TMCO4: variants seen among roughly 807,000 people sequenced by gnomAD.
TMCO4 encodes the protein transmembrane and coiled-coil domains 4.
TMCO4 carries 58 observed loss-of-function variants against 64.7 expected under a neutral mutation model. The observed-to-expected ratio is 0.90, with a 90% confidence interval of 0.73 to 1.12. The LOEUF (loss-of-function observed/expected upper bound fraction) is 1.12. TMCO4 is among the 50% of genes most tolerant of loss of function. The probability of loss-of-function intolerance (pLI) is 0.00; values close to 1 mark genes in which losing one functional copy is unlikely to be tolerated. For missense variants in TMCO4, 780 were observed against 825.9 expected (o/e 0.94, Z 0.68); for synonymous variants, 325 against 346.1 (o/e 0.94, Z 0.68).
In TMCO4 at chr1:19,743,054, G is replaced by A. The variant is rs1266441; in HGVS notation, c.878-2113C>T. Among the ~76,000 whole-genome samples the A allele has an allele frequency of 0.53, 80,290 of 151,718 alleles. 21,616 individuals carry two copies. The highest frequency in any genetic ancestry group is 0.74 in the East Asian group (3,826 of 5,164). On this transcript the variant is annotated intron_variant, in intron 10 of 15. Transcript: ENST00000294543. The surrounding 1 kb of genome is among the most constrained non-coding windows in gnomAD (Gnocchi z 4.1). ...ATACAGCAAGACTCCGTCTCCAAAA[G>A]AAAATAAAAATAAAAAAAATAAAAA...
At chr1:19,727,990 T>C (rs1449357751) in intron 13 of TMCO4, among the ~76,000 whole-genome samples, 1 of 152,032 alleles carries the variant, frequency 6.6e-6, no homozygotes, top group Non-Finnish European at 1.5e-5. Flanking sequence ...CATTTATAAG[T>C]GGGAGCTAAA....
At chr1:19,685,246 A>T (rs1003222826) in intron 15 of TMCO4, among the ~76,000 whole-genome samples, 1 of 152,180 alleles carries the variant, frequency 6.6e-6, no homozygotes, top group African/African-American at 2.4e-5. Context: ...GGATGGCTTG[A>T]GCCTGGGAGG....
intron 15 of TMCO4, among the ~76,000 whole-genome samples, chr1:19,693,849 C>G (rs1270701166): frequency 6.6e-6 from 1 of 152,302 alleles, no homozygotes; most frequent in East Asian, 1.9e-4. Context: ...CAGAAACATA[C>G]AGTCCTGACT....
chr1:19,715,588 C>T (rs1488171211), intron 13 of TMCO4, among the ~76,000 whole-genome samples: 1 of 152,164 alleles, frequency 6.6e-6, no homozygotes, highest in Admixed American at 6.5e-5. Context: ...TAACTGACGA[C>T]ATGAAAATTT....
chr1:19,740,992 C>A, intron 10 of TMCO4, 51 bp from the exon 11 acceptor site: 1 of 1,528,258 alleles, frequency 6.5e-7, no homozygotes, highest in Non-Finnish European at 8.8e-7. Context: ...GCAGAGGATG[C>A]CCCACCCCAG....
intron 7 of TMCO4, among the ~76,000 whole-genome samples, chr1:19,749,371 T>C (rs921237185): frequency 1.1e-4 from 17 of 152,012 alleles, no homozygotes; most frequent in African/African-American, 1.5e-4. Flanking sequence ...TTTTTTTTTT[T>C]CCCTTTCTTT....
rs1200778679 is a variant in TMCO4, at chr1:19,780,524, C to T, written c.179+56G>A. 1.3e-5 allele frequency: 20 copies of T among 1,530,194 alleles called. 1 individual carries two copies. The highest frequency in any genetic ancestry group is 6.5e-5 in the South Asian group (5 of 77,202). 94.8% of individuals were successfully genotyped at this position (1,530,194 alleles called of 1,614,324 possible). A position where few individuals can be genotyped will look rare whatever the true frequency, so the allele number is the denominator to read the frequency against. ...GTGCCTGGCAGGCTGTTTGGCTGTC[C>T]GTAGTTGTTCCCCTGAAGAAGCATG... is the stretch of plus-strand genomic sequence containing the variant. On this transcript the variant is annotated intron_variant, in intron 4 of 15. Coordinates refer to ENST00000294543, the MANE Select transcript of TMCO4 (RefSeq NM_181719.7).
intron 6 of TMCO4, among the ~76,000 whole-genome samples, chr1:19,757,996 C>T (rs1433222354): frequency 6.6e-6 from 1 of 152,190 alleles, no homozygotes; most frequent in Non-Finnish European, 1.5e-5. Flanking sequence ...TTGTCTAAAA[C>T]GCTAATTCCC....
At chr1:19,780,946 G>T (rs1000514449) in intron 3 of TMCO4, among the ~76,000 whole-genome samples, 180 bp from the exon 4 acceptor site, 2 of 152,044 alleles carry the variant, frequency 1.3e-5, no homozygotes, top group East Asian at 3.8e-4. Flanking sequence ...TGGAGGGAGG[G>T]ATCTTCAATA....
At chr1:19,733,962 G>A (rs2095441605) in intron 13 of TMCO4, among the ~76,000 whole-genome samples, 1 of 152,166 alleles carries the variant, frequency 6.6e-6, no homozygotes, top group Admixed American at 6.5e-5. Flanking sequence ...CTGTTGGAAG[G>A]ACTCCATGAA....
intron 13 of TMCO4, among the ~76,000 whole-genome samples, chr1:19,719,712 G>T (rs960639768): frequency 1.3e-5 from 2 of 151,958 alleles, no homozygotes; most frequent in African/African-American, 2.4e-5. Context: ...AAAAAATTTT[G>T]GCTGGGTGCA....
intron 15 of TMCO4, 139 bp from the exon 16 acceptor site, chr1:19,683,583 C>G (rs2095121519): frequency 1.3e-5 from 11 of 866,834 alleles, no homozygotes; most frequent in African/African-American, 1.7e-5. Context: ...GACTCCATCC[C>G]TCAGTGGCTC....
intron 6 of TMCO4, among the ~76,000 whole-genome samples, chr1:19,761,508 C>A (rs2042503230): frequency 6.6e-6 from 1 of 152,336 alleles, no homozygotes; most frequent in East Asian, 1.9e-4. Flanking sequence ...TGAGGGTCAG[C>A]CTCAGGGTAC....
chr1:19,685,710 C>CTTCTTTTTT (rs2095142285), intron 15 of TMCO4, among the ~76,000 whole-genome samples: 2 of 106,616 alleles, frequency 1.9e-5, no homozygotes, highest in Non-Finnish European at 3.8e-5. Context: ...AGGCCTGTTT[C>CTTCTTTTTT]TTTTTTTTTT....
At chr1:19,749,371 T>TC (rs2041930247) in intron 7 of TMCO4, among the ~76,000 whole-genome samples, 1 of 152,012 alleles carries the variant, frequency 6.6e-6, no homozygotes, top group African/African-American at 2.4e-5. Context: ...TTTTTTTTTT[T>TC]CCCTTTCTTT....
intron 3 of TMCO4, among the ~76,000 whole-genome samples, chr1:19,784,782 T>C (rs573922307): frequency 2.2e-3 from 52 of 23,402 alleles, no homozygotes; most frequent in African/African-American, 0.011. Flanking sequence ...TGGGCTACAC[T>C]GGAAGAAGAA....
rs148945927 is a variant in TMCO4, at chr1:19,770,620, C to A, written c.355-51G>T. On this transcript the variant is annotated intron_variant, in intron 5 of 15. Coordinates refer to ENST00000294543, the MANE Select transcript of TMCO4 (RefSeq NM_181719.7). ...ATGACAAAGCTGATATACGATACAG[C>A]GCGCTCATTTGACAAATATTGACTC... 2.5e-6 allele frequency: 4 copies of A among 1,575,780 alleles called. No homozygotes were observed. In the African/African-American group the frequency reaches 4.1e-5, roughly 16 times the overall value.
chr1:19,711,158 C>A (rs1299984739), intron 13 of TMCO4, among the ~76,000 whole-genome samples: 1 of 152,236 alleles, frequency 6.6e-6, no homozygotes, highest in Non-Finnish European at 1.5e-5. Context: ...GTGTACCACA[C>A]ATGCCTCATT....
At chr1:19,765,723 T>C (rs540621768) in intron 6 of TMCO4, among the ~76,000 whole-genome samples, 72 of 152,124 alleles carry the variant, frequency 4.7e-4, no homozygotes, top group Non-Finnish European at 8.7e-4. Context: ...ATGATTAGCA[T>C]GCACAAAAAA....
Sources: gnomAD v4.1 joint callset for allele counts (sites outside exome capture counted in the v4.1 genomes callset) on GRCh38, gnomAD v4.1.1 for gene constraint, Gnocchi (gnomAD v3.1) non-coding constraint, MANE v1.5 for transcripts, NCBI Gene and HGNC (gene_info 2026-07-23, HGNC 2026-07-21) for gene names.